The following CLEC4D variants were observed in gnomAD, a reference collection of about 807,000 sequenced individuals.
CLEC4D encodes C-type (calcium dependent, carbohydrate-recognition domain) lectin, superfamily member 8.
CLEC4D carries 21 observed loss-of-function variants against 21.1 expected under a neutral mutation model. The observed-to-expected ratio is 1.00, with a 90% CI of 0.71 to 1.43. The LOEUF is 1.43. CLEC4D is among the 40% of genes most tolerant of loss of function. The probability of loss-of-function intolerance (pLI) is 0.00; values close to 1 mark genes in which losing one functional copy is unlikely to be tolerated. For synonymous variants in CLEC4D, 85 were observed against 83.1 expected, an observed-to-expected ratio of 1.02 and a Z score of -0.12; for missense variants, 289 against 260.7, an observed-to-expected ratio of 1.11 and a Z score of -0.75.
chr12:8,522,553 G>C (rs1940471750), downstream of CLEC4D, among the ~76,000 whole-genome samples: 1 of 152,090 alleles, frequency 6.6e-6, no homozygotes, highest in South Asian at 2.1e-4. Flanking sequence ...GCGTGTAGCT[G>C]TGTTAAAAGC....
At chr12:8,530,343 T>G in the CLEC4D span, among the ~76,000 whole-genome samples, 19 of 152,060 alleles carry the variant, frequency 1.2e-4, no homozygotes, top group Admixed American at 3.9e-4. Context: ...GGAAGGGAGT[T>G]TTAAAAACCC....
chr12:8,530,004 CA>C, the CLEC4D span, among the ~76,000 whole-genome samples: 1 of 152,166 alleles, frequency 6.6e-6, no homozygotes, highest in Non-Finnish European at 1.5e-5. Flanking sequence ...TTTTTAATTA[CA>C]ATCCTCTAGA....
Position 8,518,243 on chromosome 12 carries a change from CA to C in CLEC4D, c.204del (p.Glu69ArgfsTer5). On this transcript the variant is annotated frameshift_variant, in exon 3 of 6. Transcript: ENST00000299665. LOFTEE classifies it high-confidence loss of function. ...AGCACCATGCAAAGCTCAAATGCAT[CA>C]AAGAGAAATCAGAACTGAAAAGTGC... ...LEHHAKLKCI[K>X]EKSELKSAEG... 1 of 1,345,840 alleles carries C rather than the reference CA, an allele frequency of 7.4e-7. No individual in the cohort carries two copies. The highest frequency in any genetic ancestry group is 1.1e-6 in the Non-Finnish European group (1 of 936,074). 83.4% of individuals were successfully genotyped at this position (1,345,840 alleles called of 1,614,324 possible). A position where few individuals can be genotyped will look rare whatever the true frequency, so the allele number is the denominator to read the frequency against.
downstream of CLEC4D, among the ~76,000 whole-genome samples, chr12:8,524,644 A>AT (rs1940493722): frequency 6.6e-6 from 1 of 152,088 alleles, no homozygotes; most frequent in Non-Finnish European, 1.5e-5. Flanking sequence ...TTTTCAAAAA[A>AT]CCAGCTCCAG....
chr12:8,525,825 C>G (rs1311317566), downstream of CLEC4D, among the ~76,000 whole-genome samples: 1 of 152,040 alleles, frequency 6.6e-6, no homozygotes, highest in Non-Finnish European at 1.5e-5. Context: ...TGGCTGGTAC[C>G]AGTTTTTACT....
rs778729561 is a variant in CLEC4D at position 8,520,221 on chromosome 12, T to G, written c.385-5T>G. The G allele has an allele frequency of 9.9e-6, 16 of 1,613,524 alleles. No homozygotes were observed. Among genetic ancestry groups the G allele is most frequent in the Non-Finnish European group, 1.2e-5 (14 of 1,179,590 alleles). ...AACTATATTAAAATTTACATTTTTA[T>G]GCAGAACTTTATTATTCAGTTTCTG... is the stretch of plus-strand genomic sequence containing the variant. On this transcript the variant is annotated splice_polypyrimidine_tract_variant and splice_region_variant and intron_variant, in intron 4 of 5. Coordinates refer to ENST00000299665, the MANE Select transcript of CLEC4D (RefSeq NM_080387.5).
chr12:8,518,139 CCTAA>C (rs765622221), intron 2 of CLEC4D, 21 bp from the exon 3 acceptor site: 22 of 879,566 alleles, frequency 2.5e-5, no homozygotes, highest in Non-Finnish European at 4.2e-5. Flanking sequence ...GAAAAAGAAA[CCTAA>C]CTTGCTTTTA....
chr12:8,520,981 G>A (rs1940450286), intron 5 of CLEC4D, 143 bp from the exon 6 acceptor site: 1 of 1,051,458 alleles, frequency 9.5e-7, no homozygotes, highest in African/African-American at 1.6e-5. Flanking sequence ...TGTCTAGTGA[G>A]TATAGTATTA....
At chr12:8,518,414 C>T in intron 3 of CLEC4D, 140 bp downstream of exon 3, 1 of 556,130 alleles carries the variant, frequency 1.8e-6, no homozygotes, top group Non-Finnish European at 3.3e-6. Flanking sequence ...AATAAGAATA[C>T]CTTAAGATAG....
intron 5 of CLEC4D, among the ~76,000 whole-genome samples, chr12:8,520,717 T>C (rs1323214599): frequency 6.6e-6 from 1 of 152,190 alleles, no homozygotes; most frequent in African/African-American, 2.4e-5. Context: ...AAGCCACATG[T>C]GCAATTTAAA....
the CLEC4D span, among the ~76,000 whole-genome samples, chr12:8,531,145 A>C: frequency 6.6e-6 from 1 of 152,136 alleles, no homozygotes; most frequent in Non-Finnish European, 1.5e-5. Context: ...CCCCACCAGG[A>C]TGCCCTGCTG....
intron 4 of CLEC4D, among the ~76,000 whole-genome samples, chr12:8,519,811 T>C (rs749930744): frequency 6.6e-6 from 1 of 152,358 alleles, no homozygotes; most frequent in East Asian, 1.9e-4. Flanking sequence ...TCTTGGTTAA[T>C]AGTTTCCTCA....
chr12:8,531,166 C>T, the CLEC4D span, among the ~76,000 whole-genome samples: 1 of 152,200 alleles, frequency 6.6e-6, no homozygotes, highest in East Asian at 1.9e-4. Flanking sequence ...AACCCACTGG[C>T]GTTCTGACAT....
intron 1 of CLEC4D, 65 bp from the exon 2 acceptor site, chr12:8,515,171 G>A: frequency 2.3e-6 from 2 of 853,118 alleles, no homozygotes; most frequent in Non-Finnish European, 4.1e-6. Context: ...TTGCTCCTTG[G>A]TAGAATTAGC....
At chr12:8,515,437 C>A in intron 2 of CLEC4D, 109 bp downstream of exon 2, 1 of 670,482 alleles carries the variant, frequency 1.5e-6, no homozygotes, top group East Asian at 2.6e-5. Flanking sequence ...CATAACCTAT[C>A]TATAATATCT....
chr12:8,520,137 G>T (rs1940439062), intron 4 of CLEC4D, 89 bp from the exon 5 acceptor site: 1 of 1,519,368 alleles, frequency 6.6e-7, no homozygotes, highest in Admixed American at 2.0e-5. Flanking sequence ...TGCTTAACCA[G>T]TAATCTAGTT....
intron 5 of CLEC4D, among the ~76,000 whole-genome samples, chr12:8,520,710 C>T (rs1940447381): frequency 6.6e-6 from 1 of 151,952 alleles, no homozygotes; most frequent in African/African-American, 2.4e-5. Context: ...TAATGCAAAG[C>T]CACATGTGCA....
downstream of CLEC4D, among the ~76,000 whole-genome samples, chr12:8,524,648 G>C (rs755120694): frequency 1.2e-4 from 18 of 152,088 alleles, no homozygotes; most frequent in Admixed American, 3.3e-4. Flanking sequence ...CAAAAAACCA[G>C]CTCCAGGATT....
intron 4 of CLEC4D, 107 bp downstream of exon 4, chr12:8,519,267 T>A: frequency 7.1e-7 from 1 of 1,405,844 alleles, no homozygotes; most frequent in Non-Finnish European, 9.3e-7. Flanking sequence ...ATCTGCTCCA[T>A]CTGCCTGGAA....
Sources: allele counts gnomAD v4.1 joint callset (sites outside exome capture counted in the v4.1 genomes callset), GRCh38; gene constraint gnomAD v4.1.1; transcripts MANE v1.5; gene names NCBI Gene and HGNC (gene_info 2026-07-23, HGNC 2026-07-21).